The following BARD1 variants were observed in gnomAD, a reference collection of about 807,000 sequenced individuals.
The protein encoded by BARD1 is BRCA1 associated RING domain 1, also known as BRCA1-associated RING domain protein 1.
A neutral mutation model predicts 77.0 loss-of-function variants in BARD1; 73 were observed. The observed-to-expected ratio is 0.95, with a 90% CI of 0.79 to 1.15. The LOEUF is 1.15. Ranked by LOEUF, BARD1 falls within the 50% of genes most tolerant of loss-of-function variation. The pLI is 0.00. For synonymous variants in BARD1, 384 were observed against 338.0 expected (o/e 1.14, Z -1.49); for missense variants, 993 against 938.8 (o/e 1.06, Z -0.75).
At chr2:214,736,420 T>A (rs1185419058) in intron 9 of BARD1, among the ~76,000 whole-genome samples, 1 of 152,082 alleles carries the variant, frequency 6.6e-6, no homozygotes. Context: ...TCCTTCCCAA[T>A]GGTACTTACA....
At chr2:214,787,583 C>A (rs1433738511) in intron 3 of BARD1, among the ~76,000 whole-genome samples, 1 of 151,926 alleles carries the variant, frequency 6.6e-6, no homozygotes, top group Non-Finnish European at 1.5e-5. Context: ...GATAAATCAA[C>A]ATATTCATTT....
intron 3 of BARD1, among the ~76,000 whole-genome samples, chr2:214,789,141 C>A (rs1354572569): frequency 6.6e-6 from 1 of 151,988 alleles, no homozygotes; most frequent in Non-Finnish European, 1.5e-5. Context: ...AAAGATACTA[C>A]CATTATAATT....
At chr2:214,733,421 T>TAAAAC (rs112041246) in intron 9 of BARD1, among the ~76,000 whole-genome samples, 10,105 of 152,254 alleles carry the variant, frequency 0.066, 472 homozygotes, top group African/African-American at 0.13. Context: ...ATTTTGTGCA[T>TAAAAC]AAAGTTGTGT....
intron 7 of BARD1, among the ~76,000 whole-genome samples, chr2:214,746,414 G>A (rs1693118401): frequency 6.6e-6 from 1 of 152,094 alleles, no homozygotes; most frequent in South Asian, 2.1e-4. Context: ...TCCATAAATA[G>A]TAAGAAGTCC....
Position 214,732,937 on chromosome 2 carries a change from G to C in BARD1, c.1904-2429C>G, listed in dbSNP as rs75361893. ...ACTGAAAAAACTGGTACTTTCTGAG[G>C]GAAAAAAAATGTGTTTGAGTCCTCT... On this transcript the variant is annotated intron_variant, in intron 9 of 10. Coordinates refer to ENST00000260947, the MANE Select transcript of BARD1 (RefSeq NM_000465.4). Among the ~76,000 whole-genome samples the C allele has an allele frequency of 5.4e-3, 815 of 151,830 alleles. 10 individuals are homozygous for C. The highest frequency in any genetic ancestry group is 0.018 in the African/African-American group (762 of 41,424).
chr2:214,789,326 T>A (rs1695414181), intron 3 of BARD1, among the ~76,000 whole-genome samples: 1 of 151,626 alleles, frequency 6.6e-6, no homozygotes, highest in South Asian at 2.1e-4. Context: ...AGCCAGGAGT[T>A]CAGGACCAGC....
chr2:214,752,251 G>C (rs571145297), intron 7 of BARD1, among the ~76,000 whole-genome samples, 196 bp downstream of exon 7: 1 of 152,164 alleles, frequency 6.6e-6, no homozygotes, highest in Admixed American at 6.5e-5. Flanking sequence ...AAAATACAGA[G>C]TGGGCTCAAT....
In BARD1 at chr2:214,809,454, G is replaced by A. The variant is rs779885670; in HGVS notation, c.116C>T (p.Ala39Val). ...DGRGAWAHSR[A>V]ALDRLEKLLR... The stretch of plus-strand genomic sequence containing the variant: ...CAGCTTCTCCAGGCGGTCGAGCGCG[G>A]CGCGACTGTGGGCCCAGGCACCGCG... The change falls in exon 1 of 11, where the codon GCC (alanine) becomes GTC (valine). Residue 39 changes from alanine (A) to valine (V), a missense_variant. By Grantham distance (64) the Ala-to-Val change is moderately conservative (BLOSUM62 0). Coordinates refer to ENST00000260947, the MANE Select transcript of BARD1 (RefSeq NM_000465.4). The A allele has an allele frequency of 2.5e-6, 4 of 1,611,336 alleles. No homozygotes were observed. In the Admixed American group the frequency reaches 6.7e-5, roughly 27 times the overall value.
rs1358155595 is a variant in BARD1, at chr2:214,728,743, C to T, written c.2267G>A (p.Trp756Ter). The T allele has an allele frequency of 6.2e-7, 1 of 1,614,174 alleles. No individual in the cohort carries two copies. Among genetic ancestry groups the T allele is most frequent in the African/African-American group, 1.3e-5 (1 of 75,044 alleles). Residue 756 changes from tryptophan (W) to a stop codon, truncating the protein, a stop_gained, in exon 11 of 11, where the codon TGG (tryptophan) becomes TAG (stop). Coordinates refer to ENST00000260947, the MANE Select transcript of BARD1 (RefSeq NM_000465.4). LOFTEE classifies it high-confidence loss of function. ...TATAAACCAGCTCGAAGGAGCCTTC[C>T]AGACTTTGCCCTGCCGAACCCTCTC... is the stretch of plus-strand genomic sequence containing the variant. ...HPERVRQGKVWKAPSSWFIDC... is the reference protein window; with the variant it reads ...HPERVRQGKV
In BARD1 at chr2:214,727,411, T is replaced by C. The variant is rs1286361957; in HGVS notation, c.*1265A>G. ...GGAACCAAACTGGCAAGTCTCTCAG[T>C]GTCTCCTTCCCCAAGTCTTTAATTT... On this transcript the variant is annotated 3_prime_UTR_variant, in exon 11 of 11. Transcript: ENST00000260947. 1.3e-5 allele frequency: 3 copies of C among 232,116 alleles called. No individual in the cohort carries two copies. The highest frequency in any genetic ancestry group is 1.2e-4 in the East Asian group (2 of 16,404). 14.4% of individuals were successfully genotyped at this position (232,116 alleles called of 1,614,324 possible).
At chr2:214,748,215 G>C (rs886501073) in intron 7 of BARD1, among the ~76,000 whole-genome samples, 1 of 152,040 alleles carries the variant, frequency 6.6e-6, no homozygotes, top group Non-Finnish European at 1.5e-5. Context: ...ATAGAAACTG[G>C]CACTAATTTC....
rs575921093 is a variant in BARD1, at chr2:214,726,976, A to G, written c.*1700T>C. On this transcript the variant is annotated 3_prime_UTR_variant, in exon 11 of 11. Transcript: ENST00000260947. ...CCTATGAGGCAACAGAAAGTGACTT[A>G]AAGTCTGTTATAAATAAAAAATGAC... 1 of 213,516 alleles carries G rather than the reference A, an allele frequency of 4.7e-6. No homozygotes were observed. 13.2% of individuals were successfully genotyped at this position (213,516 alleles called of 1,614,324 possible). A position where few individuals can be genotyped will look rare whatever the true frequency, so the allele number is the denominator to read the frequency against.
rs571145297 is a variant in BARD1 at position 214,752,251 on chromosome 2, G to A, written c.1677+196C>T. 3.3e-5 allele frequency among the ~76,000 whole-genome samples: 5 copies of A among 152,282 alleles called. No individual in the cohort carries two copies. The East Asian group carries it at 7.7e-4, about 23-fold the overall frequency. On this transcript the variant is annotated intron_variant, in intron 7 of 10. Transcript: ENST00000260947. Reference sequence around the variant, plus strand: ...TTATGAATGCTGCCTAAAATACAGAGTGGGCTCAATAAGTATTTCTAGATG... The same window carrying A: ...TTATGAATGCTGCCTAAAATACAGAATGGGCTCAATAAGTATTTCTAGATG...
In BARD1 at chr2:214,790,141, A is replaced by G. The variant is rs148584510; in HGVS notation, c.364+2156T>C. 4.0e-3 allele frequency among the ~76,000 whole-genome samples: 604 copies of G among 152,244 alleles called. 3 individuals are homozygous for G. Among genetic ancestry groups the G allele is most frequent in the African/African-American group, 0.013 (557 of 41,552 alleles). On this transcript the variant is annotated intron_variant, in intron 3 of 10. Transcript: ENST00000260947. ...GAATAAAATTTCTGGAAAGGAGTCT[A>G]TCTTACTCTTTTTTGCACCCCTATG... is the stretch of plus-strand genomic sequence containing the variant.
At chr2:214,744,274 G>A (rs1692991013) in intron 9 of BARD1, among the ~76,000 whole-genome samples, 1 of 152,128 alleles carries the variant, frequency 6.6e-6, no homozygotes, top group African/African-American at 2.4e-5. Flanking sequence ...GAGATAGCTG[G>A]TATAGTGACT....
intron 9 of BARD1, among the ~76,000 whole-genome samples, chr2:214,744,673 C>A (rs1393004176): frequency 6.6e-6 from 1 of 152,112 alleles, no homozygotes; most frequent in African/African-American, 2.4e-5. Flanking sequence ...TTCTGTTGCC[C>A]AGGCTGGAGT....
At chr2:214,808,832 A>G (rs558400647) in intron 1 of BARD1, among the ~76,000 whole-genome samples, 1 of 152,360 alleles carries the variant, frequency 6.6e-6, no homozygotes, top group South Asian at 2.1e-4. Context: ...CAGTCTTTTG[A>G]GCAAACTAAG....
intron 1 of BARD1, among the ~76,000 whole-genome samples, chr2:214,809,091 C>A (rs1312263639): frequency 6.6e-6 from 1 of 152,184 alleles, no homozygotes. Context: ...CCACCCCAGC[C>A]CGATTCAAAC....
chr2:214,750,930 T>C lies in BARD1; in HGVS notation c.1677+1517A>G, dbSNP rs565139618. Among the ~76,000 whole-genome samples the C allele has an allele frequency of 2.6e-5, 4 of 151,920 alleles. No homozygotes were observed. The East Asian group carries it at 5.8e-4, about 22-fold the overall frequency. On this transcript the variant is annotated intron_variant, in intron 7 of 10. Coordinates refer to ENST00000260947, the MANE Select transcript of BARD1 (RefSeq NM_000465.4). ...AAATTAAGCAAATGCAGAGCTATCC[T>C]GCATTGGGATTAATTCTATATAAAG... is the stretch of plus-strand genomic sequence containing the variant.
Sources: allele counts gnomAD v4.1 joint callset (sites outside exome capture counted in the v4.1 genomes callset), GRCh38; gene constraint gnomAD v4.1.1; transcripts MANE v1.5; gene names NCBI Gene and HGNC (gene_info 2026-07-23, HGNC 2026-07-21).